Variants in GRID2 observed in about 807,000 individuals in gnomAD.
GRID2 encodes the protein glutamate ionotropic receptor delta type subunit 2.
A neutral mutation model predicts 114.8 loss-of-function variants in GRID2; 33 were observed. The ratio of observed to expected loss-of-function variants is 0.29; its 90% CI spans 0.22 to 0.38. GRID2 has a LOEUF of 0.38. Ranked by LOEUF, GRID2 falls within the 10% of genes least tolerant of loss-of-function variation. The probability of loss-of-function intolerance (pLI) is 1.00; values close to 1 mark genes in which losing one functional copy is unlikely to be tolerated. For synonymous variants in GRID2, 505 were observed against 449.9 expected (o/e 1.12, Z -1.55); for missense variants, 1,184 against 1,257.7 (o/e 0.94, Z 0.89).
intron 11 of GRID2, among the ~76,000 whole-genome samples, chr4:93,483,746 G>A (rs1050330546): frequency 2.6e-5 from 4 of 151,888 alleles, no homozygotes; most frequent in African/African-American, 9.7e-5. Context: ...TGGTCAAGAG[G>A]ATTTTCCTTA....
chr4:92,753,676 T>C (rs1236328545), intron 2 of GRID2, among the ~76,000 whole-genome samples: 2 of 152,104 alleles, frequency 1.3e-5, no homozygotes, highest in Admixed American at 6.6e-5. Flanking sequence ...GACTTGGAGA[T>C]GGCAACTAAA....
chr4:92,952,273 C>A (rs570415170), intron 2 of GRID2, among the ~76,000 whole-genome samples: 1 of 152,228 alleles, frequency 6.6e-6, no homozygotes, highest in South Asian at 2.1e-4. Context: ...TTTGTAGCAT[C>A]CATACATGTT....
chr4:93,026,761 G>A (rs947292839), intron 2 of GRID2, among the ~76,000 whole-genome samples: 35 of 151,780 alleles, frequency 2.3e-4, no homozygotes, highest in African/African-American at 8.0e-4. Flanking sequence ...GTATATTTAT[G>A]AATACCTAAA....
intron 8 of GRID2, among the ~76,000 whole-genome samples, chr4:93,319,429 A>G (rs1383337959): frequency 6.6e-6 from 1 of 152,096 alleles, no homozygotes; most frequent in African/African-American, 2.4e-5. Flanking sequence ...GTAAAATTGT[A>G]AACTGTTTTG....
chr4:93,369,504 C>A (rs1762666719), intron 8 of GRID2, among the ~76,000 whole-genome samples: 1 of 151,998 alleles, frequency 6.6e-6, no homozygotes, highest in African/African-American at 2.4e-5. Flanking sequence ...TTTCTTTTTT[C>A]TTTGAGACAG....
intron 2 of GRID2, among the ~76,000 whole-genome samples, chr4:93,014,140 AAAGTGTTTTAGTTTGTTCAGG>A (rs1236743525): frequency 2.0e-5 from 3 of 152,086 alleles, no homozygotes; most frequent in Non-Finnish European, 4.4e-5. Flanking sequence ...TCTACATGCT[AAAGTGTTTTAGTTTGTTCAGG>A]CTGCTATGAC....
At chr4:93,254,869 G>T (rs894405990) in intron 8 of GRID2, among the ~76,000 whole-genome samples, 2 of 151,990 alleles carry the variant, frequency 1.3e-5, no homozygotes, top group East Asian at 3.9e-4. Flanking sequence ...ACAATGCAGG[G>T]GTTGGGTTGT....
At chr4:92,812,735 G>A (rs928578619) in intron 2 of GRID2, among the ~76,000 whole-genome samples, 3 of 152,020 alleles carry the variant, frequency 2.0e-5, no homozygotes, top group Non-Finnish European at 4.4e-5. Context: ...AAATAATCTT[G>A]CAACTTGATA....
At chr4:92,696,289 A>G (rs1734422786) in intron 2 of GRID2, among the ~76,000 whole-genome samples, 1 of 152,112 alleles carries the variant, frequency 6.6e-6, no homozygotes, top group South Asian at 2.1e-4. Flanking sequence ...TGTGCTTTCT[A>G]ATCTGTTCAG....
intron 2 of GRID2, among the ~76,000 whole-genome samples, chr4:93,013,306 T>A (rs1226092557): frequency 3.3e-5 from 5 of 152,132 alleles, no homozygotes; most frequent in South Asian, 4.1e-4. Context: ...TGAGTTTTTT[T>A]AATCTGTATT....
chr4:93,139,067 C>T (rs1453535477), intron 4 of GRID2, among the ~76,000 whole-genome samples: 2 of 152,324 alleles, frequency 1.3e-5, no homozygotes, highest in Non-Finnish European at 1.5e-5. Flanking sequence ...CAATCAAAAA[C>T]AGATTTCACA....
At chr4:93,047,137 A>G (rs1726224805) in intron 2 of GRID2, among the ~76,000 whole-genome samples, 1 of 151,978 alleles carries the variant, frequency 6.6e-6, no homozygotes, top group South Asian at 2.1e-4. Flanking sequence ...ATCCTACAAA[A>G]CAGCTAACCA....
At chr4:93,312,656 T>C (rs1756142715) in intron 8 of GRID2, among the ~76,000 whole-genome samples, 2 of 152,188 alleles carry the variant, frequency 1.3e-5, no homozygotes, top group South Asian at 4.1e-4. Context: ...AATATTTCTT[T>C]TCCCCAAACC....
chr4:92,712,244 GTTAT>G (rs1355540787), intron 2 of GRID2, among the ~76,000 whole-genome samples: 1 of 151,916 alleles, frequency 6.6e-6, no homozygotes, highest in Non-Finnish European at 1.5e-5. Context: ...TTTACAATCG[GTTAT>G]TTTTTATGTT....
chr4:93,445,894 T>C (rs1429711100), intron 10 of GRID2, among the ~76,000 whole-genome samples: 1 of 151,936 alleles, frequency 6.6e-6, no homozygotes, highest in African/African-American at 2.4e-5. Context: ...TCTCATATGA[T>C]ATGACAAATA....
At chr4:92,693,156 T>G (rs1021630891) in intron 2 of GRID2, among the ~76,000 whole-genome samples, 1 of 152,082 alleles carries the variant, frequency 6.6e-6, no homozygotes, top group African/African-American at 2.4e-5. Flanking sequence ...TTTATGCTTA[T>G]ATAATTTTTA....
chr4:92,552,809 A>G (rs1453637051), intron 1 of GRID2, among the ~76,000 whole-genome samples: 2 of 152,188 alleles, frequency 1.3e-5, no homozygotes, highest in Non-Finnish European at 2.9e-5. Flanking sequence ...GACTTAGAAT[A>G]ACAAGCAAAG....
intron 13 of GRID2, among the ~76,000 whole-genome samples, chr4:93,529,392 A>G (rs1578196964): frequency 6.6e-6 from 1 of 152,336 alleles, no homozygotes; most frequent in South Asian, 2.1e-4. Flanking sequence ...CATCAGCACC[A>G]CTTGGTAACC....
At chr4:93,411,668 G>A (rs534642927) in intron 9 of GRID2, among the ~76,000 whole-genome samples, 7 of 151,918 alleles carry the variant, frequency 4.6e-5, no homozygotes, top group Non-Finnish European at 4.4e-5. Flanking sequence ...TCCTGACCTC[G>A]TGATCTGCCT....
Sources: allele counts gnomAD v4.1 joint callset (sites outside exome capture counted in the v4.1 genomes callset), GRCh38; gene constraint gnomAD v4.1.1; transcripts MANE v1.5; gene names NCBI Gene and HGNC (gene_info 2026-07-23, HGNC 2026-07-21).